The following CSNK1G1 variants were observed in gnomAD, a reference collection of about 807,000 sequenced individuals.
The protein encoded by CSNK1G1 is casein kinase I isoform gamma-1.
In CSNK1G1, 22 loss-of-function variants were observed where a neutral mutation model predicts 59.6. The ratio of observed to expected loss-of-function variants is 0.37; its 90% CI spans 0.26 to 0.53. The LOEUF (loss-of-function observed/expected upper bound fraction) is 0.53, where lower values mean the gene tolerates loss of function less well. CSNK1G1 is among the 20% of genes least tolerant of loss of function. The pLI is 0.89. For missense variants in CSNK1G1, 384 were observed against 519.5 expected, an observed-to-expected ratio of 0.74 and a Z score of 2.54; for synonymous variants, 179 against 177.1, an observed-to-expected ratio of 1.01 and a Z score of -0.08.
intron 7 of CSNK1G1, among the ~76,000 whole-genome samples, chr15:64,205,866 G>A (rs2082171892): frequency 6.6e-6 from 1 of 152,126 alleles, no homozygotes; most frequent in African/African-American, 2.4e-5. Flanking sequence ...GGGAATGGGT[G>A]GAAGTCTTAC....
At chr15:64,218,868 T>G (rs1217246589) in intron 4 of CSNK1G1, among the ~76,000 whole-genome samples, 1 of 151,048 alleles carries the variant, frequency 6.6e-6, no homozygotes, top group Non-Finnish European at 1.5e-5. Flanking sequence ...TTTTTTTTTT[T>G]TTTTTACATG....
At chr15:64,335,639 C>T (rs1259716175) in intron 1 of CSNK1G1, 1 of 152,098 alleles carries the variant, frequency 6.6e-6, no homozygotes, top group African/African-American at 2.4e-5. Flanking sequence ...GCTTTAATAA[C>T]CAACTTTAAC....
intron 2 of CSNK1G1, among the ~76,000 whole-genome samples, chr15:64,268,543 G>A (rs145542423): frequency 6.6e-6 from 1 of 152,114 alleles, no homozygotes; most frequent in Non-Finnish European, 1.5e-5. Flanking sequence ...ATGTCTGTGT[G>A]GGTTTCTTCT....
rs968470937 is a variant in CSNK1G1 at position 64,267,238 on chromosome 15, C to T, written c.182-7997G>A. Among the ~76,000 whole-genome samples the T allele has an allele frequency of 1.0e-4, 9 of 87,356 alleles. No individual in the cohort carries two copies. In the Admixed American group the frequency reaches 1.5e-3, roughly 15 times the overall value. The allele number at this position is 87,356 out of a possible 152,430, so 57.3% of individuals were successfully genotyped here. ...TGCCACTGCACTCCAGCCTGGGAGA[C>T]AAAGCGAGACCTTATCTCAAAAAAA... is the stretch of plus-strand genomic sequence containing the variant. On this transcript the variant is annotated intron_variant, in intron 2 of 11. Transcript: ENST00000303052.
chr15:64,196,028 G>C (rs1457500910), intron 10 of CSNK1G1, among the ~76,000 whole-genome samples: 2 of 151,976 alleles, frequency 1.3e-5, no homozygotes, highest in Non-Finnish European at 2.9e-5. Flanking sequence ...CCAGGAGTTT[G>C]AGACCAGGAG....
At chr15:64,343,208 A>AACACACACACACACACACACAC (rs3057760) in intron 1 of CSNK1G1, among the ~76,000 whole-genome samples, 16,456 of 109,836 alleles carry the variant, frequency 0.15, 1,807 homozygotes, top group Admixed American at 0.18. Context: ...GCAAAACTCC[A>AACACACACACACACACACACAC]ACACACACAC....
In CSNK1G1 at chr15:64,203,075, C is replaced by CA; in HGVS notation, c.1107+6dup. ...AGTGTCTGAAAGAATGGAGGATCAACACATACCTGATTTCGAAGAGGCTGC... is the reference window on the plus strand; with the variant it reads ...AGTGTCTGAAAGAATGGAGGATCAACAACATACCTGATTTCGAAGAGGCTGC... On this transcript the variant is annotated splice_region_variant and intron_variant, in intron 10 of 11. Coordinates refer to ENST00000303052, the MANE Select transcript of CSNK1G1 (RefSeq NM_022048.5). The CA allele has an allele frequency of 6.2e-7, 1 of 1,605,038 alleles. No individual in the cohort carries two copies. The highest frequency in any genetic ancestry group is 8.5e-7 in the Non-Finnish European group (1 of 1,171,764).
In CSNK1G1 at chr15:64,214,725, G is replaced by A. The variant is rs970206436; in HGVS notation, c.445-601C>T. ...TCACCCAGGGTGGAGTGCAGCCTCAGCCTCCTGGGTTCTAGCAATTCTCGT... is the reference window on the plus strand; with the variant it reads ...TCACCCAGGGTGGAGTGCAGCCTCAACCTCCTGGGTTCTAGCAATTCTCGT... On this transcript the variant is annotated intron_variant, in intron 5 of 11. Transcript: ENST00000303052. The surrounding 1 kb of genome is among the most constrained non-coding windows in gnomAD (Gnocchi z 4.3). Among the ~76,000 whole-genome samples, 4 of 151,914 alleles carry A rather than the reference G, an allele frequency of 2.6e-5. No individual in the cohort carries two copies. The highest frequency in any genetic ancestry group is 4.4e-5 in the Non-Finnish European group (3 of 67,974).
At chr15:64,192,740 T>C (rs914499069) in intron 10 of CSNK1G1, among the ~76,000 whole-genome samples, 2 of 148,078 alleles carry the variant, frequency 1.4e-5, no homozygotes, top group Admixed American at 1.4e-4. Flanking sequence ...ATGCCTATAG[T>C]CCCAGCTACT....
intron 1 of CSNK1G1, among the ~76,000 whole-genome samples, chr15:64,317,273 G>A (rs1459942170): frequency 2.0e-5 from 3 of 152,134 alleles, no homozygotes; most frequent in African/African-American, 7.2e-5. Flanking sequence ...ATTTTTAGTA[G>A]AGACAGTGTT....
chr15:64,181,986 C>T (rs1232657854), intron 10 of CSNK1G1: 1 of 149,098 alleles, frequency 6.7e-6, no homozygotes, highest in Non-Finnish European at 1.5e-5. Context: ...GTGAATACTA[C>T]TTACTAGCAA....
chr15:64,170,226 T>G lies in CSNK1G1; in HGVS notation c.*1705A>C, dbSNP rs1057513954. The G allele has an allele frequency of 2.0e-5, 3 of 152,170 alleles. No homozygotes were observed. The highest frequency in any genetic ancestry group is 2.9e-5 in the Non-Finnish European group (2 of 68,034). The allele number at this position is 152,170 out of a possible 1,614,324, so 9.4% of individuals were successfully genotyped here. ...AAGAGTAACTCCACACATGAAAGAC[T>G]TGTCAAACAGTGAATGAGGAACCAG... On this transcript the variant is annotated 3_prime_UTR_variant, in exon 12 of 12. Coordinates refer to ENST00000303052, the MANE Select transcript of CSNK1G1 (RefSeq NM_022048.5).
intron 2 of CSNK1G1, among the ~76,000 whole-genome samples, chr15:64,276,182 GA>G (rs1893605738): frequency 6.6e-6 from 1 of 152,126 alleles, no homozygotes; most frequent in Non-Finnish European, 1.5e-5. Flanking sequence ...CCATTTTTCA[GA>G]AAGTGTCTAT....
chr15:64,303,009 C>G lies in CSNK1G1; in HGVS notation c.-224-2286G>C, dbSNP rs545825503. Among the ~76,000 whole-genome samples, 9 of 152,134 alleles carry G rather than the reference C, an allele frequency of 5.9e-5. 1 individual carries two copies. The highest frequency in any genetic ancestry group is 1.9e-4 in the African/African-American group (8 of 41,526). Reference sequence around the variant, plus strand: ...TTAGATGGAATAATCACACATAGCCCTCATTATCCATGTTTACTTACATGT... The same window carrying G: ...TTAGATGGAATAATCACACATAGCCGTCATTATCCATGTTTACTTACATGT... On this transcript the variant is annotated intron_variant, in intron 1 of 11. Coordinates refer to ENST00000303052, the MANE Select transcript of CSNK1G1 (RefSeq NM_022048.5).
At chr15:64,305,550 C>G (rs1184512550) in intron 1 of CSNK1G1, among the ~76,000 whole-genome samples, 2 of 151,718 alleles carry the variant, frequency 1.3e-5, no homozygotes, top group Non-Finnish European at 2.9e-5. Context: ...GATCCTGTCT[C>G]TACAAAATAA....
At chr15:64,350,124 T>C (rs1898200595) in intron 1 of CSNK1G1, among the ~76,000 whole-genome samples, 1 of 152,024 alleles carries the variant, frequency 6.6e-6, no homozygotes, top group Non-Finnish European at 1.5e-5. Flanking sequence ...TGAATAAAGA[T>C]TTAATCTAAA....
chr15:64,226,471 G>A (rs917581822), intron 4 of CSNK1G1, among the ~76,000 whole-genome samples: 18 of 151,928 alleles, frequency 1.2e-4, no homozygotes, highest in African/African-American at 9.7e-5. Flanking sequence ...CAGGGGAATC[G>A]CTTGAACCCA....
chr15:64,230,077 G>A (rs1377200137), intron 4 of CSNK1G1, among the ~76,000 whole-genome samples: 3 of 150,938 alleles, frequency 2.0e-5, no homozygotes, highest in Admixed American at 6.6e-5. Context: ...ATGCGCCACC[G>A]TGCCCGGCTA....
intron 1 of CSNK1G1, among the ~76,000 whole-genome samples, chr15:64,316,057 C>T (rs1339296688): frequency 2.6e-5 from 4 of 152,150 alleles, no homozygotes; most frequent in East Asian, 1.9e-4. Context: ...GATAGGGTCT[C>T]GCTCTGTCAG....
Sources: gnomAD v4.1 joint callset for allele counts (sites outside exome capture counted in the v4.1 genomes callset) on GRCh38, gnomAD v4.1.1 for gene constraint, Gnocchi (gnomAD v3.1) non-coding constraint, MANE v1.5 for transcripts, NCBI Gene and HGNC (gene_info 2026-07-23, HGNC 2026-07-21) for gene names.